RAI14: variants seen among roughly 807,000 people sequenced by gnomAD.
The protein encoded by RAI14 is retinoic acid induced 14.
A neutral mutation model predicts 115.4 loss-of-function variants in RAI14; 45 were observed. The ratio of observed to expected loss-of-function variants is 0.39; its 90% CI spans 0.31 to 0.50. RAI14 has a LOEUF of 0.50. Ranked by LOEUF, RAI14 falls within the 20% of genes least tolerant of loss-of-function variation. The pLI is 0.85. For missense variants in RAI14, 939 were observed against 1,131.2 expected, an observed-to-expected ratio of 0.83 and a Z score of 2.44; for synonymous variants, 371 against 415.4, an observed-to-expected ratio of 0.89 and a Z score of 1.30.
rs1004334113 is a variant in RAI14 at position 34,666,261 on chromosome 5, CCT to C, written c.-49+9787_-49+9788del. 1.6e-4 allele frequency among the ~76,000 whole-genome samples: 25 copies of C among 152,114 alleles called. 1 individual carries two copies. The highest frequency in any genetic ancestry group is 1.4e-3 in the Admixed American group (22 of 15,274). On this transcript the variant is annotated intron_variant, in intron 1 of 17. Coordinates refer to ENST00000265109, the MANE Select transcript of RAI14 (RefSeq NM_015577.3). ...CTCACAGTAGGTGTCCCAGGCAACC[CCT>C]GACAGTACTCCTAGGCTCACAGATG...
intron 1 of RAI14, among the ~76,000 whole-genome samples, chr5:34,668,143 C>T (rs1743353536): frequency 6.6e-6 from 1 of 152,144 alleles, no homozygotes; most frequent in Non-Finnish European, 1.5e-5. Flanking sequence ...CGTATAATCC[C>T]AGCACTTTGG....
chr5:34,810,835 T>C (rs1755496458), intron 7 of RAI14, among the ~76,000 whole-genome samples, 177 bp from the exon 8 acceptor site: 2 of 151,576 alleles, frequency 1.3e-5, no homozygotes, highest in South Asian at 4.2e-4. Context: ...ATAACAAGAG[T>C]TGTGCCAACA....
chr5:34,760,970 T>A (rs1307620877), intron 3 of RAI14, among the ~76,000 whole-genome samples: 1 of 152,230 alleles, frequency 6.6e-6, no homozygotes, highest in Non-Finnish European at 1.5e-5. Flanking sequence ...GGATATTTTT[T>A]ATAAATGCAA....
intron 13 of RAI14, 80 bp from the exon 14 acceptor site, chr5:34,821,652 G>A: frequency 1.2e-6 from 1 of 866,928 alleles, no homozygotes; most frequent in South Asian, 1.5e-5. Flanking sequence ...ACTGGATTAG[G>A]CTAGGAAGTG....
intron 2 of RAI14, among the ~76,000 whole-genome samples, chr5:34,710,277 G>A (rs917801665): frequency 2.0e-5 from 3 of 152,186 alleles, no homozygotes; most frequent in Non-Finnish European, 4.4e-5. Context: ...TTTGCTGGCA[G>A]TTGTTGGAAT....
intron 3 of RAI14, among the ~76,000 whole-genome samples, chr5:34,778,557 A>G (rs114787557): frequency 6.6e-6 from 1 of 152,252 alleles, no homozygotes; most frequent in Non-Finnish European, 1.5e-5. Flanking sequence ...GGCTTGAGTT[A>G]GGAAGTAGAT....
rs563645530 is a variant in RAI14, at chr5:34,684,323, C to G, written c.-48-2549C>G. 3.9e-5 allele frequency among the ~76,000 whole-genome samples: 6 copies of G among 152,264 alleles called. No homozygotes were observed. In the South Asian group the frequency reaches 6.2e-4, roughly 16 times the overall value. Reference sequence around the variant, plus strand: ...CCCTTGAGATTCAGTTTTAATAGGACAGGGGCTAAAAGATTGCATTTAGTC... The same window carrying G: ...CCCTTGAGATTCAGTTTTAATAGGAGAGGGGCTAAAAGATTGCATTTAGTC... On this transcript the variant is annotated intron_variant, in intron 1 of 17. Coordinates refer to ENST00000265109, the MANE Select transcript of RAI14 (RefSeq NM_015577.3).
intron 2 of RAI14, among the ~76,000 whole-genome samples, chr5:34,753,743 A>G (rs1415254787): frequency 6.6e-6 from 1 of 151,986 alleles, no homozygotes; most frequent in African/African-American, 2.4e-5. Context: ...GTGAAACCCC[A>G]CCTCTACTAA....
At chr5:34,821,611 G>C in intron 13 of RAI14, 121 bp from the exon 14 acceptor site, 1 of 638,060 alleles carries the variant, frequency 1.6e-6, no homozygotes, top group Non-Finnish European at 2.8e-6. Flanking sequence ...CCAGCTGCTA[G>C]GGCGTTTTAT....
intron 2 of RAI14, among the ~76,000 whole-genome samples, chr5:34,724,366 A>G (rs1217501292): frequency 5.3e-5 from 8 of 152,134 alleles, no homozygotes; most frequent in Non-Finnish European, 1.2e-4. Flanking sequence ...TCTGCTTGAT[A>G]AGATACCCAT....
At chr5:34,715,138 G>A (rs904846393) in intron 2 of RAI14, among the ~76,000 whole-genome samples, 1 of 152,182 alleles carries the variant, frequency 6.6e-6, no homozygotes, top group Non-Finnish European at 1.5e-5. Context: ...TTGTGCGTGT[G>A]AGGGGGTTTG....
intron 2 of RAI14, among the ~76,000 whole-genome samples, chr5:34,711,558 G>A (rs961917451): frequency 1.1e-4 from 16 of 152,330 alleles, no homozygotes; most frequent in South Asian, 2.1e-4. Flanking sequence ...CAGGGGATGC[G>A]ATGGCTTGGC....
intron 2 of RAI14, among the ~76,000 whole-genome samples, chr5:34,700,346 A>G (rs1195482295): frequency 6.6e-6 from 1 of 152,046 alleles, no homozygotes; most frequent in East Asian, 1.9e-4. Context: ...ATTGGAGTCT[A>G]TTGCTGTAGA....
At chr5:34,770,455 A>G (rs1288133683) in intron 3 of RAI14, among the ~76,000 whole-genome samples, 3 of 152,234 alleles carry the variant, frequency 2.0e-5, no homozygotes, top group Admixed American at 2.0e-4. Context: ...CCTTCATGGT[A>G]CACACAGTCT....
intron 13 of RAI14, among the ~76,000 whole-genome samples, 169 bp downstream of exon 13, chr5:34,819,020 G>A (rs982966917): frequency 3.9e-5 from 6 of 152,148 alleles, no homozygotes; most frequent in Admixed American, 6.5e-5. Flanking sequence ...ACTTCAGGGT[G>A]CCTTCTTCAC....
intron 1 of RAI14, among the ~76,000 whole-genome samples, chr5:34,676,913 A>G (rs1048635805): frequency 6.6e-6 from 1 of 152,230 alleles, no homozygotes; most frequent in Non-Finnish European, 1.5e-5. Flanking sequence ...CATTGCCAAG[A>G]TGACATTATT....
chr5:34,671,271 G>A (rs1336789145), intron 1 of RAI14, among the ~76,000 whole-genome samples: 1 of 152,196 alleles, frequency 6.6e-6, no homozygotes, highest in African/African-American at 2.4e-5. Context: ...CGTCTTCTCG[G>A]CAGCAGGATA....
At chr5:34,694,614 A>G (rs1739003604) in intron 2 of RAI14, among the ~76,000 whole-genome samples, 1 of 152,156 alleles carries the variant, frequency 6.6e-6, no homozygotes, top group South Asian at 2.1e-4. Context: ...AAAGGATTTC[A>G]TTTTTATTTT....
chr5:34,677,980 T>C (rs1744109474), intron 1 of RAI14, among the ~76,000 whole-genome samples: 1 of 152,224 alleles, frequency 6.6e-6, no homozygotes, highest in Admixed American at 6.5e-5. Flanking sequence ...TTCACCCTGC[T>C]ACCCGGCCTC....
Sources: gnomAD v4.1 joint callset for allele counts (sites outside exome capture counted in the v4.1 genomes callset) on GRCh38, gnomAD v4.1.1 for gene constraint, MANE v1.5 for transcripts, NCBI Gene and HGNC (gene_info 2026-07-23, HGNC 2026-07-21) for gene names.